The following PUDP variants were observed in gnomAD, a reference collection of about 807,000 sequenced individuals.
The protein encoded by PUDP is pseudouridine-5'-phosphatase.
Under a neutral mutation model 9.4 loss-of-function variants are expected in PUDP, and 8 were observed. That is an observed-to-expected ratio of 0.85 (90% CI 0.50 to 1.53). The LOEUF (loss-of-function observed/expected upper bound fraction) is 1.53, where lower values mean the gene tolerates loss of function less well. PUDP is among the 40% of genes most tolerant of loss of function. PUDP has a pLI of 0.00. For missense variants in PUDP, 188 were observed against 189.7 expected (o/e 0.99, Z 0.05); for synonymous variants, 99 against 80.7 (o/e 1.23, Z -1.22).
In PUDP at chrX:7,050,313, A is replaced by T; in HGVS notation, c.670T>A (p.Leu224Met). Residue 224 changes from leucine (L) to methionine (M), a missense_variant, in exon 4 of 4, where the codon TTG becomes ATG. Transcript: ENST00000381077. ...LQDFQPELFG[L>M]PSYE The stretch of plus-strand genomic sequence containing the variant: ...CCTCCCTCTCACTCATAGGAGGGCA[A>T]ACCAAACAGCTCGGGCTGGAAGTCC... 8.3e-7 allele frequency: 1 copy of T among 1,211,249 alleles called. No homozygotes were observed. Among genetic ancestry groups the T allele is most frequent in the Non-Finnish European group, 1.1e-6 (1 of 895,132 alleles).
At chrX:6,798,641 A>G (rs1246850785) in intron 3 of PUDP, among the ~76,000 whole-genome samples, 1 of 112,235 alleles carries the variant, frequency 8.9e-6, no homozygotes, top group Non-Finnish European at 1.9e-5. Flanking sequence ...TATCTGATAT[A>G]TAACTCTTTA....
intron 3 of PUDP, among the ~76,000 whole-genome samples, chrX:6,829,441 G>A (rs192204870): frequency 2.9e-4 from 32 of 111,585 alleles, no homozygotes; most frequent in East Asian, 5.7e-4. Context: ...AGTATGTTTC[G>A]TTTTATAAGA....
At chrX:6,951,988 A>T (rs1928565461) in intron 3 of PUDP, among the ~76,000 whole-genome samples, 1 of 111,601 alleles carries the variant, frequency 9.0e-6, no homozygotes, top group Non-Finnish European at 1.9e-5. Flanking sequence ...TTAAAACTAA[A>T]ACCTGGGTAG....
intron 3 of PUDP, among the ~76,000 whole-genome samples, chrX:6,901,421 G>C: frequency 8.9e-6 from 1 of 112,228 alleles, no homozygotes; most frequent in Non-Finnish European, 1.9e-5. Context: ...GACGTCTACA[G>C]CTGAGTCAAC....
intron 3 of PUDP, among the ~76,000 whole-genome samples, chrX:6,764,768 G>A (rs1202027678): frequency 9.0e-6 from 1 of 111,244 alleles, no homozygotes; most frequent in African/African-American, 3.3e-5. Context: ...CTAAAATTTG[G>A]GCATCTGTGG....
At chrX:6,817,979 T>A (rs763137614) in intron 3 of PUDP, among the ~76,000 whole-genome samples, 9 of 112,284 alleles carry the variant, frequency 8.0e-5, no homozygotes, top group East Asian at 2.8e-4. Flanking sequence ...GCAACTTAGA[T>A]AAGCAGGCTG....
At chrX:7,112,450 T>C (rs1441299971) in intron 1 of PUDP, among the ~76,000 whole-genome samples, 1 of 112,265 alleles carries the variant, frequency 8.9e-6, no homozygotes, top group African/African-American at 3.2e-5. Context: ...TGAATCTACT[T>C]AATGCTTTTT....
chrX:6,932,821 C>G (rs1324997123), intron 3 of PUDP, among the ~76,000 whole-genome samples: 1 of 111,875 alleles, frequency 8.9e-6, no homozygotes, highest in Non-Finnish European at 1.9e-5. Flanking sequence ...GATTATATCC[C>G]ACACCTGGCT....
chrX:7,066,672 A>C (rs1236191654), intron 3 of PUDP, among the ~76,000 whole-genome samples: 1 of 111,390 alleles, frequency 9.0e-6, no homozygotes, highest in Non-Finnish European at 1.9e-5. Context: ...GTACTGGTCC[A>C]TGGCCAGGGG....
Position 6,768,930 on chromosome X carries a change from G to C in PUDP, c.*248-62464C>G, listed in dbSNP as rs775371568. ...GTGTTTACTCAAGCCCCAGAGAAAAGGCCGCCATACCATTGAAACTCACAA... is the reference window on the plus strand; with the variant it reads ...GTGTTTACTCAAGCCCCAGAGAAAACGCCGCCATACCATTGAAACTCACAA... On this transcript the variant is annotated intron_variant and NMD_transcript_variant, in intron 3 of 3. Coordinates refer to the PUDP transcript ENST00000655425. Among the ~76,000 whole-genome samples the C allele has an allele frequency of 5.4e-5, 6 of 111,830 alleles. No homozygotes were observed. In the South Asian group the frequency reaches 2.3e-3, roughly 42 times the overall value.
intron 3 of PUDP, among the ~76,000 whole-genome samples, chrX:6,813,385 G>T (rs946593752): frequency 9.0e-6 from 1 of 111,118 alleles, no homozygotes; most frequent in African/African-American, 3.3e-5. Context: ...AAGACTTCAT[G>T]ATAAACAGCT....
chrX:6,814,497 G>C lies in PUDP; in HGVS notation c.*248-108031C>G, dbSNP rs749284276. ...TTATTTTCATGATTGTTTTAAATTT[G>C]TTTTAATATTAATAATAAAACGTCC... On this transcript the variant is annotated intron_variant and NMD_transcript_variant, in intron 3 of 3. Transcript: ENST00000655425. Among the ~76,000 whole-genome samples the C allele has an allele frequency of 5.4e-5, 6 of 110,979 alleles. No individual in the cohort carries two copies. The South Asian group carries it at 2.3e-3, about 42-fold the overall frequency.
At chrX:6,971,779 G>A (rs1423189222) in intron 3 of PUDP, among the ~76,000 whole-genome samples, 2 of 111,430 alleles carry the variant, frequency 1.8e-5, no homozygotes, top group African/African-American at 3.3e-5. Flanking sequence ...GATGGGGATA[G>A]CATTGAATCT....
chrX:6,725,133 G>A (rs942690465), upstream of PUDP, among the ~76,000 whole-genome samples: 2 of 111,661 alleles, frequency 1.8e-5, no homozygotes, highest in African/African-American at 6.5e-5. Context: ...CCTCCCCAAG[G>A]ATGCCACCAG....
chrX:7,129,421 C>A, intron 1 of PUDP, among the ~76,000 whole-genome samples: 1 of 111,814 alleles, frequency 8.9e-6, no homozygotes, highest in Middle Eastern at 4.6e-3. Context: ...ATGTTGGACC[C>A]GTGTTCTGAA....
intron 3 of PUDP, among the ~76,000 whole-genome samples, chrX:6,857,464 C>T (rs1213847694): frequency 8.9e-6 from 1 of 112,623 alleles, no homozygotes; most frequent in Admixed American, 9.4e-5. Context: ...GAGACAGTTT[C>T]ATTCTGTCAC....
At chrX:6,920,451 C>T (rs185027962) in intron 3 of PUDP, among the ~76,000 whole-genome samples, 1 of 111,615 alleles carries the variant, frequency 9.0e-6, no homozygotes, top group East Asian at 2.8e-4. Flanking sequence ...GGAAAATTAT[C>T]TTGGGCCCCC....
chrX:7,085,985 G>A (rs773814833), intron 2 of PUDP, among the ~76,000 whole-genome samples: 1 of 112,084 alleles, frequency 8.9e-6, no homozygotes. Flanking sequence ...AGCCTCTGTG[G>A]AAGGGCAGGA....
chrX:7,116,823 C>A (rs1375689185), intron 1 of PUDP: 2 of 960,701 alleles, frequency 2.1e-6, no homozygotes, highest in African/African-American at 3.9e-5. Context: ...AGATCCTTCG[C>A]TTGGGCCATC....
Sources: allele counts gnomAD v4.1 joint callset (sites outside exome capture counted in the v4.1 genomes callset), GRCh38; gene constraint gnomAD v4.1.1; transcripts MANE v1.5; gene names NCBI Gene and HGNC (gene_info 2026-07-23, HGNC 2026-07-21).